Variants in MON2 observed in about 807,000 individuals in gnomAD.
The protein encoded by MON2 is MON2 regulator of endosome-to-Golgi trafficking.
Under a neutral mutation model 208.6 loss-of-function variants are expected in MON2, and 84 were observed. That is an observed-to-expected ratio of 0.40 (90% confidence interval 0.34 to 0.48). The LOEUF is 0.48. Among genes scored for constraint, MON2 ranks in the 20% least tolerant of loss-of-function variants. The probability of loss-of-function intolerance (pLI) is 0.59; values close to 1 mark genes in which losing one functional copy is unlikely to be tolerated. For synonymous variants in MON2, 660 were observed against 694.0 expected, an observed-to-expected ratio of 0.95 and a Z score of 0.77; for missense variants, 1,611 against 2,015.4, an observed-to-expected ratio of 0.80 and a Z score of 3.84.
At chr12:62,503,847 C>A (rs1275966476) in intron 7 of MON2, among the ~76,000 whole-genome samples, 1 of 152,174 alleles carries the variant, frequency 6.6e-6, no homozygotes, top group African/African-American at 2.4e-5. Context: ...GTCAACTTAC[C>A]AGACACATCT....
At chr12:62,486,255 T>TA (rs1271627602) in intron 2 of MON2, among the ~76,000 whole-genome samples, 2 of 125,770 alleles carry the variant, frequency 1.6e-5, no homozygotes, top group Admixed American at 8.2e-5. Flanking sequence ...AGACTTTTTT[T>TA]AAAAAAAGAC....
At chr12:62,551,072 A>G (rs544195149) in intron 23 of MON2, among the ~76,000 whole-genome samples, 1 of 152,084 alleles carries the variant, frequency 6.6e-6, no homozygotes, top group South Asian at 2.1e-4. Context: ...GGCGCCCGCC[A>G]TGATGTACTT....
intron 1 of MON2, among the ~76,000 whole-genome samples, chr12:62,476,721 G>T (rs912430222): frequency 6.6e-6 from 1 of 152,122 alleles, no homozygotes; most frequent in Non-Finnish European, 1.5e-5. Context: ...ACAGGCATGA[G>T]CCACCATGCC....
chr12:62,588,796 TA>T, intron 34 of MON2: 1 of 1,017,736 alleles, frequency 9.8e-7, no homozygotes, highest in Non-Finnish European at 1.4e-6. Flanking sequence ...TACTCTGCAC[TA>T]AACTAAAATT....
chr12:62,515,857 T>G (rs758617545), intron 8 of MON2, among the ~76,000 whole-genome samples: 14 of 152,220 alleles, frequency 9.2e-5, no homozygotes, highest in Admixed American at 2.0e-4. Flanking sequence ...TACACAACGA[T>G]GTGAAACAGT....
chr12:62,535,821 ACCTTGGGG>A, intron 14 of MON2, 112 bp downstream of exon 14: 1 of 464,696 alleles, frequency 2.2e-6, no homozygotes, highest in Non-Finnish European at 3.0e-6. Context: ...TGACTGTGTG[ACCTTGGGG>A]AAATTAATGT....
chr12:62,484,997 A>G (rs1442701338), intron 2 of MON2: 3 of 151,682 alleles, frequency 2.0e-5, no homozygotes, highest in African/African-American at 7.3e-5. Context: ...CTTGTGGGGA[A>G]ATATTATCTT....
intron 7 of MON2, among the ~76,000 whole-genome samples, chr12:62,502,034 A>G (rs1008127995): frequency 4.6e-5 from 7 of 152,152 alleles, no homozygotes; most frequent in Admixed American, 1.3e-4. Flanking sequence ...AGCCTGGCCA[A>G]TATGGTGAAA....
chr12:62,508,557 G>T, intron 8 of MON2, 77 bp downstream of exon 8: 2 of 1,353,774 alleles, frequency 1.5e-6, no homozygotes, highest in South Asian at 2.4e-5. Flanking sequence ...CTGTTGTAGC[G>T]CATTTAGTTT....
At chr12:62,570,067 T>C (rs529126901) in intron 29 of MON2, among the ~76,000 whole-genome samples, 1 of 152,320 alleles carries the variant, frequency 6.6e-6, no homozygotes, top group South Asian at 2.1e-4. Context: ...TGTTAGTTCA[T>C]TATGATGTTT....
intron 30 of MON2, among the ~76,000 whole-genome samples, chr12:62,572,421 A>G (rs1156961890): frequency 1.3e-5 from 2 of 152,168 alleles, no homozygotes; most frequent in Non-Finnish European, 2.9e-5. Flanking sequence ...TCCTTCTAGC[A>G]CAAGTAATTA....
In MON2 at chr12:62,532,456, A is replaced by G; in HGVS notation, c.1419A>G (p.Lys473=). ...ATTTCAGCTTAGAAATGTTGGACAA[A>G]GTTGAGCCTCCAACTATACCTGAAG... ...AKATYLEMLD[K]VEPPTIPEGY... is the part of the protein sequence containing the mutation. The change falls in exon 12 of 35, where the codon AAA becomes AAG. Residue 473 remains lysine (K), a synonymous_variant. Coordinates refer to ENST00000393630, the MANE Select transcript of MON2 (RefSeq NM_015026.3). 6.2e-7 allele frequency: 1 copy of G among 1,613,838 alleles called. No homozygotes were observed. Among genetic ancestry groups the G allele is most frequent in the Non-Finnish European group, 8.5e-7 (1 of 1,179,718 alleles).
chr12:62,507,822 G>C (rs928361672), intron 7 of MON2, among the ~76,000 whole-genome samples: 1 of 152,112 alleles, frequency 6.6e-6, no homozygotes. Flanking sequence ...AGACTGGAGG[G>C]CAGTGGCATG....
In MON2 at chr12:62,556,124, C is replaced by T. The variant is rs371751043; in HGVS notation, c.3341C>T (p.Thr1114Met). 5 of 1,613,936 alleles carry T rather than the reference C, an allele frequency of 3.1e-6. No homozygotes were observed. The highest frequency in any genetic ancestry group is 3.4e-6 in the Non-Finnish European group (4 of 1,180,006). ...RDTAEKQWAE[T>M]WVLTLAGVAR... ...ACCGCCGAGAAGCAATGGGCTGAGA[C>T]GTGGGTATTAACATTGGCTGGAGTA... The change falls in exon 25 of 35, where the codon ACG (threonine) becomes ATG (methionine). Residue 1114 changes from threonine to methionine, a missense_variant. By Grantham distance (81) the Thr-to-Met change is moderately conservative (BLOSUM62 -1). Transcript: ENST00000393630.
chr12:62,495,162 T>G lies in MON2; in HGVS notation c.435+15T>G, dbSNP rs1361484093. On this transcript the variant is annotated intron_variant, in intron 4 of 34. Coordinates refer to ENST00000393630, the MANE Select transcript of MON2 (RefSeq NM_015026.3). Reference sequence around the variant, plus strand: ...CACTTTCTAAGGTAGGAAAACTGTTTGCCAGAGTTCATATGTGCTTTGAGA... The same window carrying G: ...CACTTTCTAAGGTAGGAAAACTGTTGGCCAGAGTTCATATGTGCTTTGAGA... The G allele has an allele frequency of 6.3e-7, 1 of 1,596,376 alleles. No homozygotes were observed. The highest frequency in any genetic ancestry group is 1.7e-5 in the Admixed American group (1 of 58,130).
intron 12 of MON2, among the ~76,000 whole-genome samples, chr12:62,534,065 A>G (rs2072785746): frequency 6.6e-6 from 1 of 152,124 alleles, no homozygotes; most frequent in African/African-American, 2.4e-5. Flanking sequence ...ACACAGGCTG[A>G]GAAAGTTTGG....
At chr12:62,552,806 C>A in intron 23 of MON2, 75 bp from the exon 24 acceptor site, 1 of 1,114,530 alleles carries the variant, frequency 9.0e-7, no homozygotes, top group Non-Finnish European at 1.3e-6. Context: ...AAAGGTAAAA[C>A]AGCCACATGT....
At chr12:62,588,036 A>T in intron 33 of MON2, 38 bp from the exon 34 acceptor site, 1 of 1,399,038 alleles carries the variant, frequency 7.1e-7, no homozygotes, top group Non-Finnish European at 1.0e-6. Context: ...TGGCAACTTT[A>T]AAATCTTAAT....
intron 8 of MON2, among the ~76,000 whole-genome samples, chr12:62,523,722 G>A (rs975734504): frequency 2.0e-5 from 3 of 152,106 alleles, no homozygotes; most frequent in African/African-American, 7.2e-5. Context: ...ATAACTTGCT[G>A]TACCTAGTAG....
Sources: gnomAD v4.1 joint callset for allele counts (sites outside exome capture counted in the v4.1 genomes callset) on GRCh38, gnomAD v4.1.1 for gene constraint, MANE v1.5 for transcripts, NCBI Gene and HGNC (gene_info 2026-07-23, HGNC 2026-07-21) for gene names.